Variants in PDIA4 observed in about 807,000 individuals in gnomAD.
The protein encoded by PDIA4 is protein disulfide-isomerase A4.
A neutral mutation model predicts 62.1 loss-of-function variants in PDIA4; 33 were observed. The ratio of observed to expected loss-of-function variants is 0.53; its 90% confidence interval spans 0.40 to 0.71. The LOEUF is 0.71. Among genes scored for constraint, PDIA4 ranks in the 30% least tolerant of loss-of-function variants. The pLI is 0.00. For synonymous variants in PDIA4, 341 were observed against 324.1 expected (o/e 1.05, Z -0.56); for missense variants, 804 against 813.6 (o/e 0.99, Z 0.14).
At chr7:149,004,812 A>C (rs1563118560) in intron 9 of PDIA4, among the ~76,000 whole-genome samples, 1 of 152,228 alleles carries the variant, frequency 6.6e-6, no homozygotes, top group Admixed American at 6.5e-5. Context: ...AAATGTGCTA[A>C]GGCCGCTGAG....
chr7:149,003,204 C>T lies in PDIA4; in HGVS notation c.*590G>A. On this transcript the variant is annotated 3_prime_UTR_variant, in exon 10 of 10. Coordinates refer to ENST00000652332, the MANE Select transcript of PDIA4 (RefSeq NM_004911.5). ...AGAGGTGGGGCTGCCACGTGGGTGG[C>T]CTCTCCCTGGAGCTGAGCCCACCCT... 6.0e-6 allele frequency: 1 copy of T among 166,352 alleles called. No homozygotes were observed. 10.3% of individuals were successfully genotyped at this position (166,352 alleles called of 1,614,324 possible).
At chr7:149,004,998 C>A (rs1369907811) in intron 9 of PDIA4, 143 bp downstream of exon 9, 1 of 694,118 alleles carries the variant, frequency 1.4e-6, no homozygotes, top group African/African-American at 1.8e-5. Flanking sequence ...AGTCAGAGTC[C>A]CTCGGGGGTG....
At chr7:149,019,567 T>G (rs1370874789) in intron 2 of PDIA4, among the ~76,000 whole-genome samples, 1 of 152,062 alleles carries the variant, frequency 6.6e-6, no homozygotes, top group Non-Finnish European at 1.5e-5. Flanking sequence ...AAAAAATACT[T>G]TGGGAGGCCA....
intron 7 of PDIA4, among the ~76,000 whole-genome samples, chr7:149,007,940 G>T (rs1050241145): frequency 3.9e-5 from 6 of 152,268 alleles, no homozygotes. Flanking sequence ...CCCAGGACCT[G>T]CCAGGTGTGC....
At chr7:149,020,919 T>C (rs778284729) in intron 2 of PDIA4, 48 bp downstream of exon 2, 2 of 1,593,774 alleles carry the variant, frequency 1.3e-6, no homozygotes, top group Non-Finnish European at 1.7e-6. Context: ...GCTGAGCGAA[T>C]GGAGCACAGC....
intron 3 of PDIA4, among the ~76,000 whole-genome samples, chr7:149,016,001 G>A (rs1176822880): frequency 6.6e-6 from 1 of 152,204 alleles, no homozygotes; most frequent in African/African-American, 2.4e-5. Context: ...AACAATAGAA[G>A]TACTCAACTT....
At chr7:149,027,945 C>T in intron 1 of PDIA4, 1 of 500,826 alleles carries the variant, frequency 2.0e-6, no homozygotes, top group South Asian at 1.5e-5. Context: ...TCTCCCTTCC[C>T]ACTGCCTGGG....
chr7:149,004,694 A>G (rs1409997766), intron 9 of PDIA4, among the ~76,000 whole-genome samples: 1 of 152,206 alleles, frequency 6.6e-6, no homozygotes, highest in Non-Finnish European at 1.5e-5. Context: ...CTCTGAAGCC[A>G]CAAGGGGTGT....
At chr7:149,017,653 CAAAAT>C (rs1192762619) in intron 3 of PDIA4, among the ~76,000 whole-genome samples, 10 of 139,976 alleles carry the variant, frequency 7.1e-5, no homozygotes, top group African/African-American at 2.5e-4. Flanking sequence ...TACATTTTAT[CAAAAT>C]AAAATACATT....
chr7:149,003,304 A>C lies in PDIA4; in HGVS notation c.*490T>G, dbSNP rs551884635. Reference sequence around the variant, plus strand: ...AGGCCGCCTGGCGATGCCCAGCCTGAAACAGCACCCCTGGCAGGGCTGCTC... The same window carrying C: ...AGGCCGCCTGGCGATGCCCAGCCTGCAACAGCACCCCTGGCAGGGCTGCTC... On this transcript the variant is annotated 3_prime_UTR_variant, in exon 10 of 10. Transcript: ENST00000652332. 3.3e-5 allele frequency: 5 copies of C among 152,890 alleles called. No homozygotes were observed. The highest frequency in any genetic ancestry group is 1.2e-4 in the African/African-American group (5 of 41,580). The allele number at this position is 152,890 out of a possible 1,614,324, so 9.5% of individuals were successfully genotyped here. A position where few individuals can be genotyped will look rare whatever the true frequency, so the allele number is the denominator to read the frequency against.
intron 8 of PDIA4, among the ~76,000 whole-genome samples, chr7:149,005,585 C>T (rs1258468905): frequency 6.6e-6 from 1 of 152,224 alleles, no homozygotes; most frequent in Non-Finnish European, 1.5e-5. Context: ...GACCTGTGCC[C>T]AGGTGGCACG....
At chr7:149,022,409 T>A (rs537595538) in intron 1 of PDIA4, among the ~76,000 whole-genome samples, 20 of 152,306 alleles carry the variant, frequency 1.3e-4, no homozygotes, top group African/African-American at 4.1e-4. Context: ...ATTTTATTTT[T>A]TTTGCCAAAC....
Position 149,019,194 on chromosome 7 carries a change from A to G in PDIA4, c.273T>C (p.Cys91=). The G allele has an allele frequency of 1.2e-6, 2 of 1,610,118 alleles. No homozygotes were observed. The highest frequency in any genetic ancestry group is 1.7e-6 in the Non-Finnish European group (2 of 1,176,384). ...TVLLEFYAPW[C]GHCKQFAPEY... ...CCGGAGCAAACTGCTTGCAATGTCC[A>G]CACCTAACAATTAGATTAGGAAGGG... Residue 91 remains cysteine (C), a synonymous_variant, in exon 3 of 10, where the codon TGT becomes TGC. Transcript: ENST00000652332.
intron 3 of PDIA4, 42 bp from the exon 4 acceptor site, chr7:149,015,084 T>C (rs1303371998): frequency 6.2e-7 from 1 of 1,608,128 alleles, no homozygotes; most frequent in Non-Finnish European, 8.5e-7. Context: ...AGGCCCAAAC[T>C]GGCAGGCACT....
intron 2 of PDIA4, 39 bp downstream of exon 2, chr7:149,020,928 G>A (rs1824324534): frequency 1.9e-6 from 3 of 1,604,764 alleles, no homozygotes; most frequent in Non-Finnish European, 2.6e-6. Context: ...ATGGAGCACA[G>A]CGCTTGTCCA....
Position 149,004,088 on chromosome 7 carries a change from G to C in PDIA4, c.1644C>G (p.Ile548Met), listed in dbSNP as rs775212354. 16 of 1,614,078 alleles carry C rather than the reference G, an allele frequency of 9.9e-6. No homozygotes were observed. The highest frequency in any genetic ancestry group is 1.3e-5 in the Non-Finnish European group (15 of 1,180,002). ...GCCCGCACCATGGCGCGTAGAACTC[G>C]ATGAGGACGTCCTTCTTGGGGTCCA... ...IVMDPKKDVL[I>M]EFYAPWCGHC... Residue 548 changes from isoleucine (I) to methionine (M), a missense_variant, in exon 10 of 10, where the codon ATC becomes ATG. By Grantham distance (10) the Ile-to-Met change is conservative (BLOSUM62 1). Coordinates refer to ENST00000652332, the MANE Select transcript of PDIA4 (RefSeq NM_004911.5).
At position 149,012,026 on chromosome 7, in the gene PDIA4, G is replaced by A. The variant is rs79600968; in HGVS notation, c.821-22C>T. 5.7e-4 allele frequency: 913 copies of A among 1,595,028 alleles called. 4 individuals carry two copies. The African/African-American group carries it at 0.011, about 20-fold the overall frequency. On this transcript the variant is annotated intron_variant, in intron 5 of 9. Coordinates refer to ENST00000652332, the MANE Select transcript of PDIA4 (RefSeq NM_004911.5). The stretch of plus-strand genomic sequence containing the variant: ...ATTCCTGGGAGCAGGGCACACGCCT[G>A]AGCAGGGGCACTAAGAACTGCCCAC...
At chr7:149,005,099 A>G (rs1010495215) in intron 9 of PDIA4, 42 bp downstream of exon 9, 2 of 1,479,294 alleles carry the variant, frequency 1.4e-6, no homozygotes, top group Admixed American at 1.7e-5. Flanking sequence ...CACGAGGAGC[A>G]CAGCAGCTGA....
rs1255843413 is a variant in PDIA4, at chr7:149,020,436, A to G, written c.269+531T>C. Among the ~76,000 whole-genome samples, 5 of 152,174 alleles carry G rather than the reference A, an allele frequency of 3.3e-5. No individual in the cohort carries two copies. The South Asian group carries it at 1.0e-3, about 31-fold the overall frequency. On this transcript the variant is annotated intron_variant, in intron 2 of 9. Transcript: ENST00000652332. ...GGAGAAGGGATGAGAGGGACACAAG[A>G]GCTCTAACGGTCTGCACTAGGAGGA...
Sources: gnomAD v4.1 joint callset for allele counts (sites outside exome capture counted in the v4.1 genomes callset) on GRCh38, gnomAD v4.1.1 for gene constraint, MANE v1.5 for transcripts, NCBI Gene and HGNC (gene_info 2026-07-23, HGNC 2026-07-21) for gene names.